The following ABTB2 variants were observed in gnomAD, a reference collection of about 807,000 sequenced individuals.
The protein encoded by ABTB2 is ankyrin repeat and BTB domain containing 2.
ABTB2 carries 56 observed loss-of-function variants against 104.1 expected under a neutral mutation model. That is an observed-to-expected ratio of 0.54 (90% CI 0.43 to 0.67). The LOEUF (loss-of-function observed/expected upper bound fraction) is 0.67. ABTB2 is among the 30% of genes least tolerant of loss of function. The pLI, the probability that ABTB2 is intolerant of heterozygous loss-of-function variation, is 0.00. For missense variants in ABTB2, 1,279 were observed against 1,407.7 expected (o/e 0.91, Z 1.46); for synonymous variants, 606 against 608.2 (o/e 1.00, Z 0.05).
chr11:34,160,660 C>G (rs1337537009), intron 11 of ABTB2, among the ~76,000 whole-genome samples: 10 of 79,900 alleles, frequency 1.3e-4, no homozygotes, highest in Admixed American at 5.6e-4. Flanking sequence ...CGAGCGTGCA[C>G]GCGCGCGCGT....
chr11:34,206,130 T>C (rs192028207), intron 1 of ABTB2, among the ~76,000 whole-genome samples: 1 of 152,204 alleles, frequency 6.6e-6, no homozygotes, highest in Admixed American at 6.5e-5. Context: ...GAGGCTGAGG[T>C]GGGTAAATCA....
chr11:34,292,785 G>T (rs1854577324), intron 1 of ABTB2, among the ~76,000 whole-genome samples: 1 of 152,268 alleles, frequency 6.6e-6, no homozygotes, highest in South Asian at 2.1e-4. Context: ...GCAGAGACTT[G>T]CACTAAGTCA....
chr11:34,280,911 C>A (rs900396377), intron 1 of ABTB2, among the ~76,000 whole-genome samples: 3 of 152,152 alleles, frequency 2.0e-5, no homozygotes, highest in Admixed American at 6.6e-5. Context: ...CTAAGATACA[C>A]ATATAACTAC....
At chr11:34,204,770 T>A in intron 1 of ABTB2, 80 bp from the exon 2 acceptor site, 1 of 1,448,928 alleles carries the variant, frequency 6.9e-7, no homozygotes, top group Non-Finnish European at 9.4e-7. Context: ...CAGGCAGGGC[T>A]CAGCCCTGCT....
rs150483758 is a variant in ABTB2 at position 34,355,207 on chromosome 11, G to A, written c.883+1494C>T. 9.9e-4 allele frequency among the ~76,000 whole-genome samples: 150 copies of A among 152,272 alleles called. 1 individual carries two copies. The East Asian group carries it at 0.027, about 28-fold the overall frequency. ...TGGGCCTAACATGTCAACTGTTCTC[G>A]AAAACTGGGCTAATCAAAAAACAAA... On this transcript the variant is annotated intron_variant, in intron 1 of 16. Coordinates refer to ENST00000435224, the MANE Select transcript of ABTB2 (RefSeq NM_145804.3).
chr11:34,197,566 G>C (rs773154774), intron 2 of ABTB2, 28 bp from the exon 3 acceptor site: 2 of 1,447,188 alleles, frequency 1.4e-6, no homozygotes, highest in South Asian at 1.2e-5. Context: ...GGGCAGAGGG[G>C]AGGAAGAGAA....
intron 1 of ABTB2, among the ~76,000 whole-genome samples, chr11:34,338,521 A>AC (rs1458066246): frequency 4.0e-5 from 6 of 148,344 alleles, no homozygotes; most frequent in Non-Finnish European, 8.9e-5. Flanking sequence ...ACATGGTGAA[A>AC]CCCCATCTCT....
At chr11:34,194,458 A>G (rs1224878942) in intron 3 of ABTB2, among the ~76,000 whole-genome samples, 1 of 152,200 alleles carries the variant, frequency 6.6e-6, no homozygotes, top group African/African-American at 2.4e-5. Context: ...CACAAAAGCA[A>G]AGCTCTGCCA....
chr11:34,345,228 C>T (rs1032246981), intron 1 of ABTB2, among the ~76,000 whole-genome samples: 1 of 152,184 alleles, frequency 6.6e-6, no homozygotes. Flanking sequence ...GCTACACTCG[C>T]CCCAGCCGCA....
At chr11:34,160,827 C>T (rs1852707672) in intron 11 of ABTB2, 76 bp downstream of exon 11, 13 of 1,472,762 alleles carry the variant, frequency 8.8e-6, no homozygotes, top group Non-Finnish European at 1.2e-5. Flanking sequence ...CACGTGTCTG[C>T]CTGTGTGTCC....
chr11:34,152,254 AGG>A lies in ABTB2; in HGVS notation c.*131_*132del. ...AGATGAGGGTGAGCTGCCCGGTGAC[AGG>A]GGGGACATCTGGGGGAGGAGGAGGA... On this transcript the variant is annotated 3_prime_UTR_variant, in exon 17 of 17. Transcript: ENST00000435224. 2 of 984,446 alleles carry A rather than the reference AGG, an allele frequency of 2.0e-6. No homozygotes were observed. Among genetic ancestry groups the A allele is most frequent in the Non-Finnish European group, 1.5e-6 (1 of 677,870 alleles). 61.0% of individuals were successfully genotyped at this position (984,446 alleles called of 1,614,324 possible).
At chr11:34,199,852 T>C (rs1157779854) in intron 2 of ABTB2, among the ~76,000 whole-genome samples, 1 of 152,232 alleles carries the variant, frequency 6.6e-6, no homozygotes, top group Non-Finnish European at 1.5e-5. Context: ...TTGGTAGGGC[T>C]GAACATAGCA....
At chr11:34,245,897 C>T (rs1853978014) in intron 1 of ABTB2, among the ~76,000 whole-genome samples, 1 of 152,220 alleles carries the variant, frequency 6.6e-6, no homozygotes, top group Non-Finnish European at 1.5e-5. Flanking sequence ...AAATGGTAAA[C>T]TGAGTAATAA....
intron 9 of ABTB2, among the ~76,000 whole-genome samples, chr11:34,163,491 T>G (rs1176042517): frequency 6.6e-6 from 1 of 152,202 alleles, no homozygotes; most frequent in Non-Finnish European, 1.5e-5. Flanking sequence ...TCAAGGCCAC[T>G]CCAGGTGGGG....
chr11:34,154,503 T>A lies in ABTB2; in HGVS notation c.2767-125A>T. 1.2e-6 allele frequency: 1 copy of A among 851,902 alleles called. No homozygotes were observed. Among genetic ancestry groups the A allele is most frequent in the East Asian group, 2.7e-5 (1 of 37,616 alleles). 52.8% of individuals were successfully genotyped at this position (851,902 alleles called of 1,614,324 possible). On this transcript the variant is annotated intron_variant, in intron 15 of 16. Coordinates refer to ENST00000435224, the MANE Select transcript of ABTB2 (RefSeq NM_145804.3). This position sits in a 1 kb window ranked among gnomAD's most constrained non-coding sequence, Gnocchi z 4.9. ...TCCACCCTCAGGCCCCACTACCTTCTGATACTCCTGGGCCTAACCATCCCC... is the reference window on the plus strand; with the variant it reads ...TCCACCCTCAGGCCCCACTACCTTCAGATACTCCTGGGCCTAACCATCCCC...
chr11:34,325,512 T>C (rs1160108677), intron 1 of ABTB2, among the ~76,000 whole-genome samples: 1 of 152,184 alleles, frequency 6.6e-6, no homozygotes, highest in Non-Finnish European at 1.5e-5. Context: ...ATTATTGAAA[T>C]AGCAATATAC....
chr11:34,217,135 C>T (rs1853559799), intron 1 of ABTB2, among the ~76,000 whole-genome samples: 1 of 152,174 alleles, frequency 6.6e-6, no homozygotes, highest in African/African-American at 2.4e-5. Context: ...TATGGGATAC[C>T]CCTGACCCAC....
intron 1 of ABTB2, among the ~76,000 whole-genome samples, chr11:34,312,492 G>A (rs1056148077): frequency 6.6e-6 from 1 of 152,162 alleles, no homozygotes; most frequent in Non-Finnish European, 1.5e-5. Flanking sequence ...GGCTTGACAG[G>A]GATACGCAGC....
chr11:34,272,909 C>T (rs2133081765), intron 1 of ABTB2, among the ~76,000 whole-genome samples: 1 of 152,084 alleles, frequency 6.6e-6, no homozygotes, highest in East Asian at 1.9e-4. Flanking sequence ...GGCATGGCCA[C>T]TACTAGCTGT....
Sources: gnomAD v4.1 joint callset for allele counts (sites outside exome capture counted in the v4.1 genomes callset) on GRCh38, gnomAD v4.1.1 for gene constraint, Gnocchi (gnomAD v3.1) non-coding constraint, MANE v1.5 for transcripts, NCBI Gene and HGNC (gene_info 2026-07-23, HGNC 2026-07-21) for gene names.